The following TAGLN3 variants were observed in gnomAD, a reference collection of about 807,000 sequenced individuals.
The protein encoded by TAGLN3 is transgelin 3.
TAGLN3 carries 12 observed loss-of-function variants against 25.4 expected under a neutral mutation model. The ratio of observed to expected loss-of-function variants is 0.47; its 90% CI spans 0.30 to 0.77. TAGLN3 has a LOEUF of 0.77. Ranked by LOEUF, TAGLN3 falls within the 30% of genes least tolerant of loss-of-function variation. The pLI is 0.06. For synonymous variants in TAGLN3, 96 were observed against 94.8 expected, an observed-to-expected ratio of 1.01 and a Z score of -0.08; for missense variants, 218 against 255.8, an observed-to-expected ratio of 0.85 and a Z score of 1.01.
At chr3:111,999,637 T>G (rs1279610644) in intron 2 of TAGLN3, 35 bp downstream of exon 2, 1 of 1,605,520 alleles carries the variant, frequency 6.2e-7, no homozygotes, top group East Asian at 2.2e-5. Context: ...GCTGGGGCGG[T>G]GGGCAGGGAA....
intron 4 of TAGLN3, 84 bp from the exon 5 acceptor site, chr3:112,013,326 A>G (rs763895370): frequency 3.3e-6 from 5 of 1,523,544 alleles, no homozygotes; most frequent in Admixed American, 4.1e-5. Flanking sequence ...GGGGACCCCC[A>G]GCAGAGCCTG....
chr3:112,004,192 GTCT>G (rs972760157), intron 3 of TAGLN3, among the ~76,000 whole-genome samples: 1 of 138,684 alleles, frequency 7.2e-6, no homozygotes, highest in African/African-American at 2.6e-5. Flanking sequence ...GGCCTGGGAA[GTCT>G]TCTCTTGGAA....
Position 112,000,961 on chromosome 3 carries a change from G to T in TAGLN3, c.355+15G>T. 6.2e-7 allele frequency: 1 copy of T among 1,611,732 alleles called. No homozygotes were observed. The highest frequency in any genetic ancestry group is 1.1e-5 in the South Asian group (1 of 90,934). On this transcript the variant is annotated intron_variant, in intron 3 of 4. Coordinates refer to ENST00000478951, the MANE Select transcript of TAGLN3 (RefSeq NM_001008272.2). ...TCTATGGGAAGGTAAACAGCCCCCT[G>T]GCCTTTGGGATTGTTCTTTTCTTCT...
At chr3:112,013,361 T>C in intron 4 of TAGLN3, 49 bp from the exon 5 acceptor site, 1 of 1,576,370 alleles carries the variant, frequency 6.3e-7, no homozygotes, top group Non-Finnish European at 8.6e-7. Flanking sequence ...TTGAAAAGGA[T>C]TGGAAAACTG....
At chr3:112,013,010 G>C (rs9818290) in intron 4 of TAGLN3, among the ~76,000 whole-genome samples, 33,686 of 152,112 alleles carry the variant, frequency 0.22, 4,664 homozygotes, top group Middle Eastern at 0.35. Context: ...GTCTGAGATG[G>C]CCTAAAGTGG....
intron 2 of TAGLN3, among the ~76,000 whole-genome samples, chr3:112,000,288 C>A (rs1377728517): frequency 1.3e-5 from 2 of 152,144 alleles, no homozygotes; most frequent in Non-Finnish European, 2.9e-5. Flanking sequence ...GGTACCACAT[C>A]CACTTCTTTT....
intron 3 of TAGLN3, among the ~76,000 whole-genome samples, chr3:112,002,480 T>A (rs992115082): frequency 7.2e-5 from 11 of 152,158 alleles, no homozygotes; most frequent in Non-Finnish European, 1.5e-4. Flanking sequence ...GGAGGCTTAG[T>A]TTCCTTCACC....
rs762154266 is a variant in TAGLN3, at chr3:112,013,507, C to T, written c.556C>T (p.Gln186Ter). 6.2e-7 allele frequency: 1 copy of T among 1,614,214 alleles called. No homozygotes were observed. Among genetic ancestry groups the T allele is most frequent in the Non-Finnish European group, 8.5e-7 (1 of 1,180,020 alleles). The change falls in exon 5 of 5, where the codon CAG becomes TAG. Residue 186 changes from glutamine (Q) to a stop codon, truncating the protein, a stop_gained. Coordinates refer to ENST00000478951, the MANE Select transcript of TAGLN3 (RefSeq NM_001008272.2). LOFTEE classifies it high-confidence loss of function. ...GATGGGCAGCAACAAGGGAGCCTCCCAGGCGGGCATGACAGGGTACGGGAT... is the reference window on the plus strand; with the variant it reads ...GATGGGCAGCAACAAGGGAGCCTCCTAGGCGGGCATGACAGGGTACGGGAT... ...LQMGSNKGAS[Q>*]AGMTGYGMPR...
intron 2 of TAGLN3, 117 bp downstream of exon 2, chr3:111,999,719 G>C (rs13340145): frequency 0.07 from 91,623 of 1,316,142 alleles, 3,731 homozygotes; most frequent in Non-Finnish European, 0.081. Flanking sequence ...ATGTCTCACC[G>C]GGAGGGGATG....
rs2072998750 is a variant in TAGLN3 at position 112,013,270 on chromosome 3, C to CCATA, written c.459-139_459-136dup. On this transcript the variant is annotated intron_variant, in intron 4 of 4. Coordinates refer to ENST00000478951, the MANE Select transcript of TAGLN3 (RefSeq NM_001008272.2). ...GGTAGGGCCATAGCTCAGAGTAGGG[C>CCATA]CATAGCTCATAACCACAGCTCAGGG... is the stretch of plus-strand genomic sequence containing the variant. 4.6e-6 allele frequency: 5 copies of CCATA among 1,095,620 alleles called. No individual in the cohort carries two copies. The South Asian group carries it at 8.2e-5, about 18-fold the overall frequency. 67.9% of individuals were successfully genotyped at this position (1,095,620 alleles called of 1,614,324 possible). A position where few individuals can be genotyped will look rare whatever the true frequency, so the allele number is the denominator to read the frequency against.
rs1334422186 is a variant in TAGLN3 at position 111,999,494 on chromosome 3, G to A, written c.72G>A (p.Ala24=). ...AGAAGATCGAGCAGAAGTATGATGC[G>A]GACCTGGAGAACAAGCTGGTGGACT... ...VQEKIEQKYD[A]DLENKLVDWI... The change falls in exon 2 of 5, where the codon GCG becomes GCA. Residue 24 remains alanine (A), a synonymous_variant. Coordinates refer to ENST00000478951, the MANE Select transcript of TAGLN3 (RefSeq NM_001008272.2). 2 of 1,614,230 alleles carry A rather than the reference G, an allele frequency of 1.2e-6. No homozygotes were observed. Among genetic ancestry groups the A allele is most frequent in the Middle Eastern group, 3.3e-4 (2 of 6,062 alleles).
intron 1 of TAGLN3, 63 bp from the exon 2 acceptor site, chr3:111,999,358 G>T: frequency 6.4e-7 from 1 of 1,565,824 alleles, no homozygotes; most frequent in Admixed American, 1.8e-5. Context: ...CCGTCTGCAG[G>T]GAGCCGGAGG....
chr3:112,013,418 A>C lies in TAGLN3; in HGVS notation c.467A>C (p.Gln156Pro). ...GEPSWFHRKA[Q>P]QNRRGFSEEQ... ...TCACTTTCCTTGTCCAGGAAAGCCC[A>C]GCAGAATCGGAGAGGCTTTTCCGAG... The change falls in exon 5 of 5, where the codon CAG becomes CCG. Residue 156 changes from glutamine (Q) to proline (P), a missense_variant. Transcript: ENST00000478951. 4.3e-6 allele frequency: 7 copies of C among 1,612,260 alleles called. No individual in the cohort carries two copies. The highest frequency in any genetic ancestry group is 8.5e-7 in the Non-Finnish European group (1 of 1,178,530).
intron 3 of TAGLN3, among the ~76,000 whole-genome samples, chr3:112,010,986 T>C (rs907672619): frequency 2.9e-4 from 44 of 152,192 alleles, no homozygotes; most frequent in African/African-American, 1.0e-3. Context: ...TGCCCTTAAC[T>C]TTCACAGTTC....
intron 3 of TAGLN3, among the ~76,000 whole-genome samples, chr3:112,002,154 A>G (rs2072867335): frequency 6.6e-6 from 1 of 152,212 alleles, no homozygotes. Context: ...TTCACAGTTG[A>G]GATTTGATCC....
At chr3:112,012,512 G>A (rs749673635) in intron 4 of TAGLN3, among the ~76,000 whole-genome samples, 1 of 151,616 alleles carries the variant, frequency 6.6e-6, no homozygotes, top group Non-Finnish European at 1.5e-5. Context: ...AGGGGGTAGG[G>A]TAGGCAGGAA....
chr3:111,999,534 TG>T lies in TAGLN3; in HGVS notation c.113del (p.Cys38SerfsTer5), dbSNP rs1174261919. 6.2e-7 allele frequency: 1 copy of T among 1,613,810 alleles called. No homozygotes were observed. Among genetic ancestry groups the T allele is most frequent in the African/African-American group, 1.3e-5 (1 of 74,822 alleles). On this transcript the variant is annotated frameshift_variant, in exon 2 of 5. Transcript: ENST00000478951. LOFTEE classifies it high-confidence loss of function. The part of the protein sequence containing the change: ...NKLVDWIILQ[C>X]AEDIEHPPPG... ...GCTGGTGGACTGGATCATCCTGCAG[TG>T]CGCCGAGGACATAGAGCACCCGCCC... is the stretch of plus-strand genomic sequence containing the variant.
chr3:112,010,478 G>T (rs2072963695), intron 3 of TAGLN3, among the ~76,000 whole-genome samples: 1 of 152,160 alleles, frequency 6.6e-6, no homozygotes, highest in Non-Finnish European at 1.5e-5. Flanking sequence ...TTTAAAAAGT[G>T]TCCCATTATA....
chr3:112,002,836 G>A (rs924559454), intron 3 of TAGLN3, among the ~76,000 whole-genome samples: 2 of 152,206 alleles, frequency 1.3e-5, no homozygotes, highest in Non-Finnish European at 2.9e-5. Flanking sequence ...GTGTGGAGGA[G>A]TGTAGGGAGA....
Sources: gnomAD v4.1 joint callset for allele counts (sites outside exome capture counted in the v4.1 genomes callset) on GRCh38, gnomAD v4.1.1 for gene constraint, MANE v1.5 for transcripts, NCBI Gene and HGNC (gene_info 2026-07-23, HGNC 2026-07-21) for gene names.